The following ASIC2 variants were observed in gnomAD, a reference collection of about 807,000 sequenced individuals.
ASIC2 encodes the protein acid-sensing ion channel 2.
A neutral mutation model predicts 57.3 loss-of-function variants in ASIC2; 25 were observed. The observed-to-expected ratio is 0.44, with a 90% CI of 0.32 to 0.61. The LOEUF (loss-of-function observed/expected upper bound fraction) is 0.61. Among genes scored for constraint, ASIC2 ranks in the 20% least tolerant of loss-of-function variants. The pLI, the probability that ASIC2 is intolerant of heterozygous loss-of-function variation, is 0.06. For synonymous variants in ASIC2, 319 were observed against 307.5 expected, an observed-to-expected ratio of 1.04 and a Z score of -0.39; for missense variants, 641 against 738.1, an observed-to-expected ratio of 0.87 and a Z score of 1.52.
intron 1 of ASIC2, among the ~76,000 whole-genome samples, chr17:33,903,615 T>C (rs1915277264): frequency 6.6e-6 from 1 of 152,352 alleles, no homozygotes; most frequent in South Asian, 2.1e-4. Flanking sequence ...GTTTGCTTCC[T>C]AGCTATTAAA....
intron 1 of ASIC2, among the ~76,000 whole-genome samples, chr17:33,150,084 T>G (rs896033260): frequency 4.6e-5 from 7 of 152,204 alleles, no homozygotes; most frequent in African/African-American, 1.7e-4. Context: ...TTACTCAAGT[T>G]TAGGGAGTTG....
In ASIC2 at chr17:33,231,110, G is replaced by A. The variant is rs138713265; in HGVS notation, c.708+60298C>T. Among the ~76,000 whole-genome samples the A allele has an allele frequency of 1.2e-4, 19 of 152,260 alleles. No homozygotes were observed. In the East Asian group the frequency reaches 3.3e-3, roughly 26 times the overall value. On this transcript the variant is annotated intron_variant, in intron 1 of 9. Coordinates refer to ENST00000225823, the MANE Select transcript of ASIC2 (RefSeq NM_183377.2). Reference sequence around the variant, plus strand: ...CTGAGCATCGAGGTGCAAAGAGCTGGACAGAGGAGTTGTCTCAGGATCAAA... The same window carrying A: ...CTGAGCATCGAGGTGCAAAGAGCTGAACAGAGGAGTTGTCTCAGGATCAAA...
At chr17:33,352,415 C>A (rs1364425915) in intron 1 of ASIC2, among the ~76,000 whole-genome samples, 1 of 152,088 alleles carries the variant, frequency 6.6e-6, no homozygotes, top group Non-Finnish European at 1.5e-5. Context: ...CATGGGAGGC[C>A]CTTCTTACCT....
At chr17:33,211,164 C>T (rs528957593) in intron 1 of ASIC2, among the ~76,000 whole-genome samples, 8 of 152,036 alleles carry the variant, frequency 5.3e-5, no homozygotes, top group South Asian at 2.1e-4. Flanking sequence ...TGTGTGACAG[C>T]GCAGAAGTGT....
intron 1 of ASIC2, among the ~76,000 whole-genome samples, chr17:34,149,913 A>C (rs909326616): frequency 1.4e-4 from 21 of 152,244 alleles, no homozygotes; most frequent in African/African-American, 5.1e-4. Context: ...AAGTGAAATC[A>C]GTATGTCAAA....
intron 1 of ASIC2, among the ~76,000 whole-genome samples, chr17:34,063,702 A>G (rs2142062383): frequency 6.6e-6 from 1 of 152,306 alleles, no homozygotes; most frequent in Non-Finnish European, 1.5e-5. Flanking sequence ...TACACAAATT[A>G]GTAGCTCTTC....
chr17:34,039,869 T>A, intron 1 of ASIC2: 1 of 1,602,310 alleles, frequency 6.2e-7, no homozygotes, highest in Non-Finnish European at 8.5e-7. Flanking sequence ...AATTCTTCCA[T>A]CATTTCTACT....
In ASIC2 at chr17:33,586,434, A is replaced by G. The variant is rs977705688; in HGVS notation, c.556-474367T>C. Among the ~76,000 whole-genome samples, 6 of 152,288 alleles carry G rather than the reference A, an allele frequency of 3.9e-5. No homozygotes were observed. In the East Asian group the frequency reaches 5.8e-4, roughly 15 times the overall value. On this transcript the variant is annotated intron_variant, in intron 1 of 9. Coordinates refer to the ASIC2 transcript ENST00000359872. ...CCTCCCTACAACCCACTGATTGATCATTAAAAAAATGTAAATCATCACTAT... is the reference window on the plus strand; with the variant it reads ...CCTCCCTACAACCCACTGATTGATCGTTAAAAAAATGTAAATCATCACTAT...
intron 3 of ASIC2, among the ~76,000 whole-genome samples, chr17:33,042,040 G>C (rs2091932012): frequency 6.6e-6 from 1 of 152,140 alleles, no homozygotes; most frequent in Admixed American, 6.5e-5. Flanking sequence ...CCTGCTTTTT[G>C]AGCCATAATG....
intron 1 of ASIC2, among the ~76,000 whole-genome samples, chr17:33,770,487 C>T (rs571729597): frequency 3.5e-4 from 53 of 152,186 alleles, no homozygotes; most frequent in Non-Finnish European, 7.1e-4. Context: ...TGCTATTTGA[C>T]AGTAAGGTAC....
intron 1 of ASIC2, among the ~76,000 whole-genome samples, chr17:34,058,055 C>G (rs1380914251): frequency 6.6e-6 from 1 of 152,188 alleles, no homozygotes; most frequent in African/African-American, 2.4e-5. Flanking sequence ...TTCTCTAAAG[C>G]CTAACTCAAC....
chr17:33,992,080 T>C (rs1174219240), intron 1 of ASIC2, among the ~76,000 whole-genome samples: 1 of 152,168 alleles, frequency 6.6e-6, no homozygotes, highest in Non-Finnish European at 1.5e-5. Context: ...TTGGTGTCTC[T>C]GAGCCTCAGT....
intron 1 of ASIC2, among the ~76,000 whole-genome samples, chr17:33,472,775 G>A (rs943672552): frequency 6.6e-6 from 1 of 152,188 alleles, no homozygotes; most frequent in Non-Finnish European, 1.5e-5. Flanking sequence ...AAGGAGGTGA[G>A]ATGTTGAAGC....
At chr17:33,439,077 C>G (rs2141982983) in intron 1 of ASIC2, among the ~76,000 whole-genome samples, 1 of 152,236 alleles carries the variant, frequency 6.6e-6, no homozygotes, top group East Asian at 1.9e-4. Context: ...ATCCTGGGCT[C>G]AGGTAATCTT....
chr17:33,893,156 G>T (rs1180073110), intron 1 of ASIC2, among the ~76,000 whole-genome samples: 1 of 152,222 alleles, frequency 6.6e-6, no homozygotes, highest in East Asian at 1.9e-4. Flanking sequence ...AGGAGACCAA[G>T]TTCCTGTTGG....
At chr17:33,789,450 G>A (rs909175927) in intron 1 of ASIC2, among the ~76,000 whole-genome samples, 2 of 138,376 alleles carry the variant, frequency 1.4e-5, no homozygotes, top group African/African-American at 5.4e-5. Flanking sequence ...GTGAGATTTA[G>A]CAGAGAATCA....
intron 1 of ASIC2, among the ~76,000 whole-genome samples, chr17:33,905,866 G>A: frequency 6.6e-6 from 1 of 152,120 alleles, no homozygotes; most frequent in East Asian, 1.9e-4. Flanking sequence ...TGCCCAGGCT[G>A]GAGTGCGGTG....
At chr17:33,584,947 C>T (rs1164478555) in intron 1 of ASIC2, among the ~76,000 whole-genome samples, 1 of 152,060 alleles carries the variant, frequency 6.6e-6, no homozygotes, top group South Asian at 2.1e-4. Flanking sequence ...GGGAAAACGT[C>T]AGAGAAGGAG....
At chr17:33,128,812 T>A (rs2092334412) in intron 1 of ASIC2, among the ~76,000 whole-genome samples, 1 of 152,168 alleles carries the variant, frequency 6.6e-6, no homozygotes, top group Admixed American at 6.5e-5. Context: ...AGTGCCTTAG[T>A]TTTTCAAAGG....
Sources: allele counts gnomAD v4.1 joint callset (sites outside exome capture counted in the v4.1 genomes callset), GRCh38; gene constraint gnomAD v4.1.1; transcripts MANE v1.5; gene names NCBI Gene and HGNC (gene_info 2026-07-23, HGNC 2026-07-21).